CRTC1: variants seen among roughly 807,000 people sequenced by gnomAD.
CRTC1 encodes CREB regulated transcription coactivator 1.
CRTC1 carries 18 observed loss-of-function variants against 66.1 expected under a neutral mutation model. The observed-to-expected ratio is 0.27, with a 90% CI of 0.19 to 0.40. The LOEUF (loss-of-function observed/expected upper bound fraction) is 0.40, where lower values mean the gene tolerates loss of function less well. Among genes scored for constraint, CRTC1 ranks in the 10% least tolerant of loss-of-function variants. The pLI, the probability that CRTC1 is intolerant of heterozygous loss-of-function variation, is 1.00. For synonymous variants in CRTC1, 416 were observed against 398.8 expected, an observed-to-expected ratio of 1.04 and a Z score of -0.51; for missense variants, 669 against 887.9, an observed-to-expected ratio of 0.75 and a Z score of 3.13.
chr19:18,768,607 G>C lies in CRTC1; in HGVS notation c.1134G>C (p.Gln378His), dbSNP rs2145839824. ...CGCCGCCTCCTCCACCCGCGTCCCA[G>C]CAGCCACCACCCCCGCCACCCCCAC... ...QPPPPPPPAS[Q>H]QPPPPPPPQA... Residue 378 changes from glutamine to histidine, a missense_variant, in exon 10 of 14, where the codon CAG (glutamine) becomes CAC (histidine). This residue lies in a region of CRTC1 where 241 missense variants were observed against 242.2 expected (regional missense o/e 0.99). Coordinates refer to ENST00000321949, the MANE Select transcript of CRTC1 (RefSeq NM_015321.3). This position sits in a 1 kb window ranked among gnomAD's most constrained non-coding sequence, Gnocchi z 5.6. The C allele has an allele frequency of 6.6e-7, 1 of 1,514,532 alleles. No homozygotes were observed. The highest frequency in any genetic ancestry group is 1.9e-5 in the Admixed American group (1 of 51,306). 93.8% of individuals were successfully genotyped at this position (1,514,532 alleles called of 1,614,324 possible).
chr19:18,708,411 C>A (rs1487646221), intron 1 of CRTC1, among the ~76,000 whole-genome samples: 2 of 152,106 alleles, frequency 1.3e-5, no homozygotes, highest in African/African-American at 4.8e-5. Flanking sequence ...ACCCAGGGTG[C>A]CCGAGAGAGG....
chr19:18,736,712 G>T (rs889091933), intron 1 of CRTC1, among the ~76,000 whole-genome samples: 1 of 150,410 alleles, frequency 6.6e-6, no homozygotes, highest in Non-Finnish European at 1.5e-5. Flanking sequence ...AGGTGGAGAG[G>T]GGGGGAAACT....
At chr19:18,722,394 T>C (rs77730330) in intron 1 of CRTC1, among the ~76,000 whole-genome samples, 6,692 of 152,216 alleles carry the variant, frequency 0.044, 209 homozygotes, top group Non-Finnish European at 0.068. Flanking sequence ...TCTGGCCTTA[T>C]GTGGAAAAAA....
Position 18,742,972 on chromosome 19 carries a change from G to T in CRTC1, c.189G>T (p.Gly63=), listed in dbSNP as rs1348722529. The part of the protein sequence containing the change: ...LGPSRGQYYG[G]SLPNVNQIGS... ...CCAGCCGAGGCCAGTACTATGGCGGGTCCCTGCCCAACGTGAACCAGATCG... is the reference window on the plus strand; with the variant it reads ...CCAGCCGAGGCCAGTACTATGGCGGTTCCCTGCCCAACGTGAACCAGATCG... Residue 63 remains glycine, a synonymous_variant, in exon 2 of 14, where the codon GGG becomes GGT. Transcript: ENST00000321949. 6.2e-7 allele frequency: 1 copy of T among 1,613,420 alleles called. No individual in the cohort carries two copies. Among genetic ancestry groups the T allele is most frequent in the Non-Finnish European group, 8.5e-7 (1 of 1,179,866 alleles).
At chr19:18,727,595 A>AAAG (rs1568502816) in intron 1 of CRTC1, among the ~76,000 whole-genome samples, 2 of 149,772 alleles carry the variant, frequency 1.3e-5, no homozygotes, top group African/African-American at 2.5e-5. Context: ...AAAAAAAAAA[A>AAAG]AAGAAGAAGA....
intron 1 of CRTC1, among the ~76,000 whole-genome samples, chr19:18,727,466 A>G (rs1331163164): frequency 6.7e-6 from 1 of 149,410 alleles, no homozygotes; most frequent in East Asian, 2.1e-4. Context: ...CAGTAGTCCC[A>G]GCTATGTGGG....
chr19:18,744,652 CTG>C (rs747212059), intron 2 of CRTC1, among the ~76,000 whole-genome samples: 94 of 152,322 alleles, frequency 6.2e-4, no homozygotes, highest in Non-Finnish European at 1.2e-3. Context: ...CAAGGCATCT[CTG>C]GAAGGAGATG....
At chr19:18,704,460 C>T (rs2053215856) in intron 1 of CRTC1, among the ~76,000 whole-genome samples, 1 of 152,070 alleles carries the variant, frequency 6.6e-6, no homozygotes, top group South Asian at 2.1e-4. Context: ...GTCTGTAAGC[C>T]CAGCACTTTG....
At chr19:18,736,395 C>T (rs547390205) in intron 1 of CRTC1, among the ~76,000 whole-genome samples, 4 of 150,926 alleles carry the variant, frequency 2.7e-5, no homozygotes, top group African/African-American at 9.9e-5. Flanking sequence ...AGAAAGTGTT[C>T]GCTCCCCACC....
At chr19:18,752,429 C>G (rs1408109690) in intron 5 of CRTC1, among the ~76,000 whole-genome samples, 3 of 152,192 alleles carry the variant, frequency 2.0e-5, no homozygotes, top group Admixed American at 2.0e-4. Context: ...AGCGAGCCCT[C>G]CACCTCAGCC....
chr19:18,781,410 AT>A lies in CRTC1; in HGVS notation c.*4030del, dbSNP rs1236214594. On this transcript the variant is annotated 3_prime_UTR_variant, in exon 14 of 14. Coordinates refer to ENST00000321949, the MANE Select transcript of CRTC1 (RefSeq NM_015321.3). ...CATGTGATTTGGGGGTCCCTGGGAC[AT>A]TCTCCCGTCAGCTCCACCTGAGCCA... 1 of 230,056 alleles carries A rather than the reference AT, an allele frequency of 4.3e-6. No homozygotes were observed. Among genetic ancestry groups the A allele is most frequent in the Non-Finnish European group, 8.6e-6 (1 of 116,186 alleles). The allele number at this position is 230,056 out of a possible 1,614,324, so 14.3% of individuals were successfully genotyped here.
chr19:18,719,831 A>C (rs2053584356), intron 1 of CRTC1, among the ~76,000 whole-genome samples: 1 of 152,248 alleles, frequency 6.6e-6, no homozygotes, highest in Admixed American at 6.5e-5. Flanking sequence ...CCCTGAGGTT[A>C]GGTCCGGCAC....
chr19:18,759,969 C>CGCCCA lies in CRTC1; in HGVS notation c.666-39_666-38insGCCCA, dbSNP rs2054577653. 6 of 1,453,308 alleles carry CGCCCA rather than the reference C, an allele frequency of 4.1e-6. No individual in the cohort carries two copies. In the Admixed American group the frequency reaches 1.1e-4, roughly 27 times the overall value. 90.0% of individuals were successfully genotyped at this position (1,453,308 alleles called of 1,614,324 possible). A position where few individuals can be genotyped will look rare whatever the true frequency, so the allele number is the denominator to read the frequency against. ...CCTGTCCCCGCCGCCAGCCCCGCCC[C>CGCCCA]ATGAGCTCACCTCCTGCCTGCCTCT... is the stretch of plus-strand genomic sequence containing the variant. On this transcript the variant is annotated intron_variant, in intron 7 of 13. Transcript: ENST00000321949.
intron 1 of CRTC1, among the ~76,000 whole-genome samples, chr19:18,694,166 TG>T (rs1011832412): frequency 3.4e-5 from 5 of 146,476 alleles, no homozygotes; most frequent in African/African-American, 1.3e-4. Flanking sequence ...GCTGGCATGG[TG>T]GCTCATGCCT....
chr19:18,745,110 G>A (rs1321268965), intron 2 of CRTC1, among the ~76,000 whole-genome samples: 3 of 152,160 alleles, frequency 2.0e-5, no homozygotes, highest in African/African-American at 7.2e-5. Context: ...GCATGAGGCC[G>A]GGCATGTAGC....
intron 1 of CRTC1, among the ~76,000 whole-genome samples, chr19:18,706,182 CTTTTTTTTTTTTTTTTTTTTTTTTTTT>C (rs58104974): frequency 2.7e-4 from 5 of 18,676 alleles, no homozygotes; most frequent in African/African-American, 3.8e-4. Flanking sequence ...TTCCATTGGT[CTTTTTTTTTTTTTTTTTTTTTTTTTTT>C]TTTTTTTTTT....
chr19:18,728,875 C>G (rs1383546080), intron 1 of CRTC1, among the ~76,000 whole-genome samples: 1 of 141,014 alleles, frequency 7.1e-6, no homozygotes, highest in African/African-American at 2.7e-5. Flanking sequence ...TGCAGTAGCA[C>G]GATCTCAGCT....
At chr19:18,722,035 C>G (rs549892124) in intron 1 of CRTC1, among the ~76,000 whole-genome samples, 1 of 152,338 alleles carries the variant, frequency 6.6e-6, no homozygotes, top group East Asian at 1.9e-4. Context: ...GGGGTCTCAG[C>G]AGAGGCCGGA....
intron 4 of CRTC1, among the ~76,000 whole-genome samples, chr19:18,748,938 T>C (rs1301448802): frequency 6.6e-6 from 1 of 152,116 alleles, no homozygotes; most frequent in African/African-American, 2.4e-5. Context: ...TTCATCTCCA[T>C]TGTAGTCCGT....
Sources: gnomAD v4.1 joint callset for allele counts (sites outside exome capture counted in the v4.1 genomes callset) on GRCh38, gnomAD v4.1.1 for gene constraint, gnomAD v4.1.1 regional missense constraint, Gnocchi (gnomAD v3.1) non-coding constraint, MANE v1.5 for transcripts, NCBI Gene and HGNC (gene_info 2026-07-23, HGNC 2026-07-21) for gene names.